The following TRPC4AP variants were observed in gnomAD, a reference collection of about 807,000 sequenced individuals.
The protein encoded by TRPC4AP is short transient receptor potential channel 4-associated protein.
A neutral mutation model predicts 99.0 loss-of-function variants in TRPC4AP; 45 were observed. The ratio of observed to expected loss-of-function variants is 0.45; its 90% CI spans 0.36 to 0.58. The LOEUF (loss-of-function observed/expected upper bound fraction) is 0.58, where lower values mean the gene tolerates loss of function less well. Ranked by LOEUF, TRPC4AP falls within the 20% of genes least tolerant of loss-of-function variation. The pLI is 0.00. For missense variants in TRPC4AP, 879 were observed against 985.3 expected, an observed-to-expected ratio of 0.89 and a Z score of 1.44; for synonymous variants, 408 against 385.8, an observed-to-expected ratio of 1.06 and a Z score of -0.67.
rs71196792 is a variant in TRPC4AP at position 35,090,377 on chromosome 20, CTTTTTT to C, written c.168+2231_168+2236del. 8.1e-3 allele frequency among the ~76,000 whole-genome samples: 718 copies of C among 88,994 alleles called. 19 individuals are homozygous for C. The highest frequency in any genetic ancestry group is 0.031 in the African/African-American group (679 of 21,624). The allele number at this position is 88,994 out of a possible 152,430, so 58.4% of individuals were successfully genotyped here. ...TTCCAGCAGCCTTGTATCTGGTGAG[CTTTTTT>C]TTTTTTTTTTTGAGATGAAGTCTCA... is the stretch of plus-strand genomic sequence containing the variant. On this transcript the variant is annotated intron_variant, in intron 1 of 18. Coordinates refer to ENST00000252015, the MANE Select transcript of TRPC4AP (RefSeq NM_015638.3).
chr20:35,052,456 C>T (rs532717153), intron 5 of TRPC4AP, among the ~76,000 whole-genome samples: 2 of 152,182 alleles, frequency 1.3e-5, no homozygotes, highest in South Asian at 2.1e-4. Flanking sequence ...AAACTAGCAT[C>T]CAGTAGGCCA....
chr20:35,043,243 A>G (rs1272252365), intron 7 of TRPC4AP, among the ~76,000 whole-genome samples: 3 of 151,768 alleles, frequency 2.0e-5, no homozygotes, highest in Admixed American at 6.6e-5. Flanking sequence ...TGTTGCAATG[A>G]ATAATTTTTT....
chr20:35,041,428 C>T (rs1443966018), intron 7 of TRPC4AP, among the ~76,000 whole-genome samples: 1 of 152,112 alleles, frequency 6.6e-6, no homozygotes, highest in Non-Finnish European at 1.5e-5. Context: ...TGTGGAACTA[C>T]AACTTTTAGG....
At position 35,057,569 on chromosome 20, in the gene TRPC4AP, A is replaced by C; in HGVS notation, c.417T>G (p.Leu139=). ...TAGGCCTCATAAGAATTTCTACAAG[A>C]AGCTATAAAAAAAATTAGATAAAAT... ...YIFDLFGGVD[L]LVEILMRPTI... is the part of the protein sequence containing the mutation. The change falls in exon 4 of 19, where the codon CTT becomes CTG. Residue 139 remains leucine (L), a splice_region_variant and synonymous_variant. Coordinates refer to ENST00000252015, the MANE Select transcript of TRPC4AP (RefSeq NM_015638.3). 2 of 1,607,306 alleles carry C rather than the reference A, an allele frequency of 1.2e-6. No homozygotes were observed. Among genetic ancestry groups the C allele is most frequent in the Non-Finnish European group, 8.5e-7 (1 of 1,176,426 alleles).
intron 8 of TRPC4AP, 57 bp from the exon 9 acceptor site, chr20:35,021,413 G>C: frequency 6.3e-7 from 1 of 1,584,912 alleles, no homozygotes; most frequent in South Asian, 1.1e-5. Flanking sequence ...ACACGTTTCT[G>C]CCCCTCGAAC....
chr20:35,087,155 C>A (rs1427320315), intron 1 of TRPC4AP, among the ~76,000 whole-genome samples: 1 of 149,618 alleles, frequency 6.7e-6, no homozygotes, highest in African/African-American at 2.5e-5. Flanking sequence ...CGGTGAAACC[C>A]CGTCTCTACT....
chr20:35,049,814 C>A, intron 6 of TRPC4AP, 52 bp downstream of exon 6: 1 of 1,554,918 alleles, frequency 6.4e-7, no homozygotes, highest in Non-Finnish European at 8.7e-7. Flanking sequence ...TTTGAGAATC[C>A]AATGGTCTGA....
intron 4 of TRPC4AP, among the ~76,000 whole-genome samples, chr20:35,056,224 T>C (rs922776982): frequency 6.6e-6 from 1 of 152,206 alleles, no homozygotes; most frequent in African/African-American, 2.4e-5. Flanking sequence ...GCTCTGCATG[T>C]CTCACTATAT....
intron 17 of TRPC4AP, 48 bp from the exon 18 acceptor site, chr20:35,003,664 T>A (rs2082447855): frequency 1.3e-6 from 2 of 1,566,254 alleles, no homozygotes; most frequent in African/African-American, 2.7e-5. Flanking sequence ...GGAGCCCCAG[T>A]GGCCCCTGGT....
chr20:35,086,077 C>T (rs2084836239), intron 1 of TRPC4AP, among the ~76,000 whole-genome samples: 2 of 150,292 alleles, frequency 1.3e-5, no homozygotes, highest in African/African-American at 4.9e-5. Flanking sequence ...ACCACCACTG[C>T]CACCAAGTAG....
At chr20:35,059,498 CAAATA>C (rs2083923348) in intron 3 of TRPC4AP, among the ~76,000 whole-genome samples, 1 of 151,976 alleles carries the variant, frequency 6.6e-6, no homozygotes, top group Admixed American at 6.6e-5. Context: ...CATGTCTCTA[CAAATA>C]AAATAAATTA....
chr20:35,078,356 T>G (rs561300777), intron 1 of TRPC4AP, among the ~76,000 whole-genome samples, 182 bp from the exon 2 acceptor site: 1 of 152,278 alleles, frequency 6.6e-6, no homozygotes, highest in African/African-American at 2.4e-5. Context: ...ATTACTATGT[T>G]ATAATAAGAA....
At position 35,086,567 on chromosome 20, in the gene TRPC4AP, GTGTGTGTGTATA is replaced by G. The variant is rs1390670906; in HGVS notation, c.168+6035_168+6046del. On this transcript the variant is annotated intron_variant, in intron 1 of 18. Coordinates refer to ENST00000252015, the MANE Select transcript of TRPC4AP (RefSeq NM_015638.3). ...TGTGTGTGTGTGTGTGTGTGTGTGT[GTGTGTGTGTATA>G]TATATATGAATAAGACTTTATCCTA... Among the ~76,000 whole-genome samples the G allele has an allele frequency of 3.6e-4, 45 of 123,404 alleles. 4 individuals carry two copies. The highest frequency in any genetic ancestry group is 8.3e-3 in the Middle Eastern group (2 of 240). The allele number at this position is 123,404 out of a possible 152,430, so 81.0% of individuals were successfully genotyped here.
At chr20:35,014,616 G>A (rs1483992586) in intron 10 of TRPC4AP, among the ~76,000 whole-genome samples, 2 of 152,144 alleles carry the variant, frequency 1.3e-5, no homozygotes, top group Non-Finnish European at 2.9e-5. Context: ...TTTCCGAATT[G>A]AGCCAGACAG....
intron 1 of TRPC4AP, 91 bp downstream of exon 1, chr20:35,092,523 C>A: frequency 7.3e-7 from 1 of 1,372,808 alleles, no homozygotes; most frequent in South Asian, 1.6e-5. Flanking sequence ...TTTGGCCCGT[C>A]CAGCGGCGGC....
At chr20:35,025,570 C>T (rs1262047695) in intron 8 of TRPC4AP, among the ~76,000 whole-genome samples, 2 of 152,134 alleles carry the variant, frequency 1.3e-5, no homozygotes, top group Non-Finnish European at 2.9e-5. Flanking sequence ...GGAGAAACAT[C>T]TATTCAGATC....
At chr20:35,043,509 A>C (rs2083488491) in intron 7 of TRPC4AP, among the ~76,000 whole-genome samples, 1 of 152,134 alleles carries the variant, frequency 6.6e-6, no homozygotes, top group African/African-American at 2.4e-5. Context: ...GGCCTCCCAA[A>C]GTGCTGGGAT....
rs1247370625 is a variant in TRPC4AP at position 35,002,952 on chromosome 20, G to A, written c.*194C>T. On this transcript the variant is annotated 3_prime_UTR_variant, in exon 19 of 19. Coordinates refer to ENST00000252015, the MANE Select transcript of TRPC4AP (RefSeq NM_015638.3). ...ACCCTGTCCTCATTATGGGGACTGA[G>A]GCTCTCCATGACCTAGGGCCCTCAG... 1.6e-5 allele frequency: 11 copies of A among 678,796 alleles called. No individual in the cohort carries two copies. Among genetic ancestry groups the A allele is most frequent in the Admixed American group, 3.0e-5 (1 of 33,466 alleles). 42.0% of individuals were successfully genotyped at this position (678,796 alleles called of 1,614,324 possible).
At chr20:35,090,631 C>T (rs2085032994) in intron 1 of TRPC4AP, among the ~76,000 whole-genome samples, 1 of 152,146 alleles carries the variant, frequency 6.6e-6, no homozygotes. Flanking sequence ...GCCTCGACCT[C>T]CCAAAGCACT....
Sources: allele counts gnomAD v4.1 joint callset (sites outside exome capture counted in the v4.1 genomes callset), GRCh38; gene constraint gnomAD v4.1.1; transcripts MANE v1.5; gene names NCBI Gene and HGNC (gene_info 2026-07-23, HGNC 2026-07-21).